The following TCERG1L variants were observed in gnomAD, a reference collection of about 807,000 sequenced individuals.
TCERG1L encodes transcription elongation regulator 1 like.
TCERG1L carries 37 observed loss-of-function variants against 56.3 expected under a neutral mutation model. The ratio of observed to expected loss-of-function variants is 0.66; its 90% CI spans 0.51 to 0.87. TCERG1L has a LOEUF of 0.87. Among genes scored for constraint, TCERG1L ranks in the 40% least tolerant of loss-of-function variants. TCERG1L has a pLI of 0.00. For missense variants in TCERG1L, 799 were observed against 774.2 expected (o/e 1.03, Z -0.38); for synonymous variants, 324 against 326.3 (o/e 0.99, Z 0.08).
At position 131,267,059 on chromosome 10, in the gene TCERG1L, T is replaced by A. The variant is rs1589766926; in HGVS notation, c.671-6615A>T. Among the ~76,000 whole-genome samples, 2 of 151,944 alleles carry A rather than the reference T, an allele frequency of 1.3e-5. No individual in the cohort carries two copies. The highest frequency in any genetic ancestry group is 3.9e-4 in the East Asian group (2 of 5,140). ...TCCCTGGCCTGAAGGTGCATCCTCA[T>A]CTGGAACCCACTCCTTCACACCCAG... On this transcript the variant is annotated intron_variant, in intron 3 of 11. Transcript: ENST00000368642. The surrounding 1 kb of genome is among the most constrained non-coding windows in gnomAD (Gnocchi z 4.9).
chr10:131,131,301 A>G (rs1308016752), intron 8 of TCERG1L, among the ~76,000 whole-genome samples: 1 of 152,144 alleles, frequency 6.6e-6, no homozygotes, highest in African/African-American at 2.4e-5. Flanking sequence ...GTTCACGGGA[A>G]TGCTCCCCAG....
At chr10:131,176,665 T>TACGTGTACACACACCAAGAAACATGCAC (rs1846155054) in intron 4 of TCERG1L, among the ~76,000 whole-genome samples, 1 of 46,490 alleles carries the variant, frequency 2.2e-5, no homozygotes. Flanking sequence ...CACACAGAGA[T>TACGTGTACACACACCAAGAAACATGCAC]ACATGTACAC....
intron 3 of TCERG1L, among the ~76,000 whole-genome samples, chr10:131,291,397 A>ATTTT (rs1564835283): frequency 8.3e-5 from 5 of 60,182 alleles, no homozygotes; most frequent in Non-Finnish European, 9.7e-5. Flanking sequence ...CATAAACAGC[A>ATTTT]TTTCTTTTTT....
intron 4 of TCERG1L, among the ~76,000 whole-genome samples, chr10:131,194,818 T>A (rs1354026491): frequency 6.6e-6 from 1 of 152,226 alleles, no homozygotes; most frequent in Non-Finnish European, 1.5e-5. Context: ...CATCATAAAC[T>A]CTGTGCCTAC....
At chr10:131,135,379 A>G (rs1205895736) in intron 7 of TCERG1L, among the ~76,000 whole-genome samples, 2 of 152,178 alleles carry the variant, frequency 1.3e-5, no homozygotes, top group Non-Finnish European at 2.9e-5. Context: ...CGATGAAAAC[A>G]GCGCTCAGCT....
rs377220573 is a variant in TCERG1L at position 131,206,467 on chromosome 10, G to A, written c.857-39582C>T. Among the ~76,000 whole-genome samples the A allele has an allele frequency of 1.6e-4, 24 of 152,358 alleles. No homozygotes were observed. The East Asian group carries it at 3.5e-3, about 22-fold the overall frequency. On this transcript the variant is annotated intron_variant, in intron 4 of 11. Transcript: ENST00000368642. ...GAGCAGCCCTCAAAGGAAGGGGCAC[G>A]AGGAGAGGCAGAATAGAGGGCGTTT...
intron 3 of TCERG1L, among the ~76,000 whole-genome samples, chr10:131,298,311 A>G (rs1446341089): frequency 1.3e-5 from 2 of 151,860 alleles, no homozygotes; most frequent in Non-Finnish European, 2.9e-5. Context: ...TGACCTATGC[A>G]TTACTTAGAA....
At chr10:131,146,896 C>T (rs1284852064) in intron 6 of TCERG1L, among the ~76,000 whole-genome samples, 1 of 151,976 alleles carries the variant, frequency 6.6e-6, no homozygotes, top group African/African-American at 2.4e-5. Context: ...CCAGGGAGAA[C>T]AACAACATTC....
chr10:131,238,784 G>A (rs1589758022), intron 4 of TCERG1L, among the ~76,000 whole-genome samples: 1 of 152,338 alleles, frequency 6.6e-6, no homozygotes, highest in African/African-American at 2.4e-5. Flanking sequence ...CAGAGCTGAA[G>A]GGGAAGAAGA....
At chr10:131,222,560 T>C (rs1185630115) in intron 4 of TCERG1L, among the ~76,000 whole-genome samples, 1 of 152,154 alleles carries the variant, frequency 6.6e-6, no homozygotes, top group African/African-American at 2.4e-5. Flanking sequence ...AGGAGAAAGT[T>C]CTAGATTTTC....
intron 4 of TCERG1L, among the ~76,000 whole-genome samples, chr10:131,198,294 C>T (rs571671229): frequency 1.5e-4 from 23 of 152,356 alleles, no homozygotes; most frequent in African/African-American, 5.5e-4. Context: ...ACACATCCAA[C>T]TTGGGAGGAA....
At chr10:131,233,379 T>C (rs1230125335) in intron 4 of TCERG1L, among the ~76,000 whole-genome samples, 1 of 152,138 alleles carries the variant, frequency 6.6e-6, no homozygotes, top group East Asian at 1.9e-4. Context: ...CATTATATTT[T>C]TACTAATCAG....
intron 6 of TCERG1L, among the ~76,000 whole-genome samples, chr10:131,148,323 C>T (rs36154475): frequency 0.2 from 29,982 of 151,780 alleles, 3,401 homozygotes; most frequent in East Asian, 0.35. Context: ...GAGACACACA[C>T]AAACACACAT....
At chr10:131,296,554 T>G (rs1277942741) in intron 3 of TCERG1L, among the ~76,000 whole-genome samples, 1 of 152,098 alleles carries the variant, frequency 6.6e-6, no homozygotes, top group Admixed American at 6.5e-5. Context: ...AGATCAGCTA[T>G]GCCTGTGTCC....
intron 3 of TCERG1L, among the ~76,000 whole-genome samples, chr10:131,285,523 AGAGAGAAAGAAAAG>A (rs1846525027): frequency 1.6e-5 from 1 of 61,790 alleles, no homozygotes; most frequent in Non-Finnish European, 3.4e-5. Context: ...AAAGAAAGAA[AGAGAGAAAGAAAAG>A]AAAAGAAAGA....
At chr10:131,157,909 A>G (rs867584215) in intron 6 of TCERG1L, among the ~76,000 whole-genome samples, 2 of 152,254 alleles carry the variant, frequency 1.3e-5, no homozygotes, top group Non-Finnish European at 2.9e-5. Flanking sequence ...AGTTACTCTG[A>G]ACTTCGACAC....
At chr10:131,246,905 C>T (rs776276841) in intron 4 of TCERG1L, among the ~76,000 whole-genome samples, 37 of 152,254 alleles carry the variant, frequency 2.4e-4, no homozygotes, top group South Asian at 1.2e-3. Context: ...ATAGCAGGCG[C>T]CCTCTCGCCC....
intron 4 of TCERG1L, among the ~76,000 whole-genome samples, chr10:131,234,398 C>T (rs1449560685): frequency 6.6e-6 from 1 of 152,140 alleles, no homozygotes; most frequent in Admixed American, 6.5e-5. Flanking sequence ...CTGTTAGGCA[C>T]ACCAAATTCT....
intron 4 of TCERG1L, among the ~76,000 whole-genome samples, chr10:131,221,350 C>A (rs549924748): frequency 3.2e-4 from 49 of 152,332 alleles, no homozygotes; most frequent in Middle Eastern, 3.4e-3. Context: ...AAATTTCCTT[C>A]TCAATGTTTT....
Sources: gnomAD v4.1 joint callset for allele counts (sites outside exome capture counted in the v4.1 genomes callset) on GRCh38, gnomAD v4.1.1 for gene constraint, Gnocchi (gnomAD v3.1) non-coding constraint, MANE v1.5 for transcripts, NCBI Gene and HGNC (gene_info 2026-07-23, HGNC 2026-07-21) for gene names.